The following MXRA5 variants were observed in gnomAD, a reference collection of about 807,000 sequenced individuals.
MXRA5 encodes the protein matrix-remodeling-associated protein 5.
A neutral mutation model predicts 112.5 loss-of-function variants in MXRA5; 41 were observed. The observed-to-expected ratio is 0.36, with a 90% CI of 0.28 to 0.47. The LOEUF (loss-of-function observed/expected upper bound fraction) is 0.47, where lower values mean the gene tolerates loss of function less well. Among genes scored for constraint, MXRA5 ranks in the 20% least tolerant of loss-of-function variants. MXRA5 has a pLI of 0.99. For missense variants in MXRA5, 2,150 were observed against 2,251.0 expected, an observed-to-expected ratio of 0.96 and a Z score of 0.91; for synonymous variants, 862 against 900.8, an observed-to-expected ratio of 0.96 and a Z score of 0.77.
chrX:3,317,031 C>A (rs1251482337), intron 6 of MXRA5, 72 bp downstream of exon 6: 34 of 1,025,154 alleles, frequency 3.3e-5, no homozygotes, highest in Non-Finnish European at 4.1e-5. Flanking sequence ...GCATATTCAT[C>A]CTGAAAAAGG....
chrX:3,314,323 C>T (rs1417000087), intron 6 of MXRA5, among the ~76,000 whole-genome samples: 1 of 111,971 alleles, frequency 8.9e-6, no homozygotes, highest in East Asian at 2.8e-4. Flanking sequence ...GGGTGTTGAG[C>T]AGTGTCCCCG....
Position 3,321,539 on chromosome X carries a change from G to C in MXRA5, c.4146C>G (p.Pro1382=), listed in dbSNP as rs767788718. The change falls in exon 5 of 7, where the codon CCC becomes CCG. Residue 1382 remains proline, a synonymous_variant. Transcript: ENST00000217939. The part of the protein sequence containing the change: ...VGFPGTPTWN[P]SRTAQPGRLQ... The stretch of plus-strand genomic sequence containing the variant: ...GCCTCCCAGGCTGGGCCGTCCTTGA[G>C]GGATTCCAGGTTGGAGTTCCTGGAA... 21 of 1,208,340 alleles carry C rather than the reference G, an allele frequency of 1.7e-5. No individual in the cohort carries two copies. In the South Asian group the frequency reaches 3.7e-4, roughly 21 times the overall value.
Position 3,323,118 on chromosome X carries a change from C to T in MXRA5, c.2567G>A (p.Gly856Asp), listed in dbSNP as rs1921357484. The T allele has an allele frequency of 2.5e-6, 3 of 1,211,342 alleles. No individual in the cohort carries two copies. The highest frequency in any genetic ancestry group is 5.9e-5 in the East Asian group (2 of 33,818). ...PLLGEEEHVL[G>D]TISSASMGLE... ...CCCCATGCTGGCTGAGGAAATGGTA[C>T]CCAAAACGTGCTCTTCTTCACCAAG... is the stretch of plus-strand genomic sequence containing the variant. Residue 856 changes from glycine (G) to aspartate (D), a missense_variant, in exon 5 of 7, where the codon GGT becomes GAT. By Grantham distance (94) the Gly-to-Asp change is moderately conservative. Transcript: ENST00000217939.
Position 3,323,820 on chromosome X carries a change from A to G in MXRA5, c.1865T>C (p.Leu622Ser), listed in dbSNP as rs759926006. ...ILPNRRIIND[L>S]ANTSHVYMLP... is the part of the protein sequence containing the mutation. ...CATGTATACATGTGATGTGTTAGCC[A>G]AATCATTAATTATCCTTCTGTTTGG... is the stretch of plus-strand genomic sequence containing the variant. The change falls in exon 5 of 7, where the codon TTG (leucine) becomes TCG (serine). Residue 622 changes from leucine to serine, a missense_variant. Leu to Ser is a moderately radical substitution (Grantham distance 145, BLOSUM62 -2). Coordinates refer to ENST00000217939, the MANE Select transcript of MXRA5 (RefSeq NM_015419.4). 5.8e-6 allele frequency: 7 copies of G among 1,210,040 alleles called. No homozygotes were observed. The Admixed American group carries it at 8.7e-5, about 15-fold the overall frequency.
At position 3,318,064 on chromosome X, in the gene MXRA5, C is replaced by T. The variant is rs149379141; in HGVS notation, c.5678-61G>A. 665 of 948,745 alleles carry T rather than the reference C, an allele frequency of 7.0e-4. 1 individual carries two copies. In the African/African-American group the frequency reaches 8.4e-3, roughly 12 times the overall value. 78.2% of individuals were successfully genotyped at this position (948,745 alleles called of 1,213,427 possible). On this transcript the variant is annotated intron_variant, in intron 5 of 6. Coordinates refer to ENST00000217939, the MANE Select transcript of MXRA5 (RefSeq NM_015419.4). ...CTGTGCCCTTTTGATAATGCTCAAACGAGCAGTATTAGTTAATCTAATTCT... is the reference window on the plus strand; with the variant it reads ...CTGTGCCCTTTTGATAATGCTCAAATGAGCAGTATTAGTTAATCTAATTCT...
At chrX:3,325,914 CAT>C (rs1921464304) in intron 4 of MXRA5, among the ~76,000 whole-genome samples, 1 of 14,532 alleles carries the variant, frequency 6.9e-5, no homozygotes, top group Non-Finnish European at 1.4e-4. Flanking sequence ...AATTTTAAAT[CAT>C]AAATTTATAA....
chrX:3,320,314 GCAA>G lies in MXRA5; in HGVS notation c.5368_5370del (p.Leu1790del). On this transcript the variant is annotated inframe_deletion, in exon 5 of 7. Coordinates refer to ENST00000217939, the MANE Select transcript of MXRA5 (RefSeq NM_015419.4). The stretch of plus-strand genomic sequence containing the variant: ...GGTGATCCCGTGGTCTGCGGAGTGT[GCAA>G]CAACGGAGGTGCCGGAGGGCCAAAG... 1.7e-6 allele frequency: 2 copies of G among 1,211,891 alleles called. No homozygotes were observed. Among genetic ancestry groups the G allele is most frequent in the Non-Finnish European group, 2.2e-6 (2 of 895,454 alleles).
chrX:3,319,875 C>T (rs1203297881), intron 5 of MXRA5, 133 bp downstream of exon 5: 6 of 459,741 alleles, frequency 1.3e-5, no homozygotes. Context: ...AAAAAATTTC[C>T]CCAAATGTGT....
chrX:3,309,637 C>T lies in MXRA5; in HGVS notation c.*79G>A. The T allele has an allele frequency of 2.3e-6, 2 of 869,432 alleles. No homozygotes were observed. Among genetic ancestry groups the T allele is most frequent in the East Asian group, 3.3e-5 (1 of 29,977 alleles). The allele number at this position is 869,432 out of a possible 1,213,427, so 71.7% of individuals were successfully genotyped here. A position where few individuals can be genotyped will look rare whatever the true frequency, so the allele number is the denominator to read the frequency against. On this transcript the variant is annotated 3_prime_UTR_variant, in exon 7 of 7. Transcript: ENST00000217939. ...TGCACTGTGACACATTATTTAAGAGCTCCTATTCCCCAACCTGGCTTCCCT... is the reference window on the plus strand; with the variant it reads ...TGCACTGTGACACATTATTTAAGAGTTCCTATTCCCCAACCTGGCTTCCCT...
Position 3,329,390 on chromosome X carries a change from AGAAG to A in MXRA5, c.709+624_709+627del, listed in dbSNP as rs201106029. ...AAAGAAGGAGGGAAGGAAGGAGAGA[AGAAG>A]GAAGGAAGGAAGGAGAGAAAAGGAA... is the stretch of plus-strand genomic sequence containing the variant. On this transcript the variant is annotated intron_variant, in intron 4 of 6. Transcript: ENST00000217939. 6.8e-3 allele frequency among the ~76,000 whole-genome samples: 601 copies of A among 88,628 alleles called. 5 individuals are homozygous for A. Among genetic ancestry groups the A allele is most frequent in the African/African-American group, 0.022 (519 of 24,097 alleles). 77.0% of individuals were successfully genotyped at this position (88,628 alleles called of 115,157 possible). A position where few individuals can be genotyped will look rare whatever the true frequency, so the allele number is the denominator to read the frequency against.
In MXRA5 at chrX:3,320,226, G is replaced by C; in HGVS notation, c.5459C>G (p.Thr1820Arg). ...GCTTCCTGAGGACTGGACAGAAGAT[G>C]TTATAAAGGAGATAGAACTCTGGGT... ...SSTQSSISFI[T>R]SSVQSSGSFH... The change falls in exon 5 of 7, where the codon ACA (threonine) becomes AGA (arginine). Residue 1820 changes from threonine to arginine, a missense_variant. By Grantham distance (71) the Thr-to-Arg change is moderately conservative. Around this residue, in one of 6 missense-constraint regions of MXRA5, gnomAD observed 1,485 missense variants for 1,471.6 expected, o/e 1.01. Transcript: ENST00000217939. 8.3e-7 allele frequency: 1 copy of C among 1,211,181 alleles called. No individual in the cohort carries two copies. The highest frequency in any genetic ancestry group is 1.1e-6 in the Non-Finnish European group (1 of 895,161).
In MXRA5 at chrX:3,321,994, G is replaced by T. The variant is rs750352033; in HGVS notation, c.3691C>A (p.Arg1231=). The change falls in exon 5 of 7, where the codon CGG becomes AGG. Residue 1231 remains arginine (R), a synonymous_variant. Coordinates refer to ENST00000217939, the MANE Select transcript of MXRA5 (RefSeq NM_015419.4). ...TTTGGCCTCTTCCCGTGTTTTCTCC[G>T]TGGTGTTCCCTTGGATGTGGGTTCT... ...NAEPTSKGTP[R]RKHGKRPNKH... is the part of the protein sequence containing the mutation. The T allele has an allele frequency of 8.3e-7, 1 of 1,211,600 alleles. No homozygotes were observed. The highest frequency in any genetic ancestry group is 1.7e-5 in the African/African-American group (1 of 57,745).
chrX:3,313,073 T>A (rs1478779287), intron 6 of MXRA5, among the ~76,000 whole-genome samples: 1 of 111,748 alleles, frequency 8.9e-6, no homozygotes, highest in Non-Finnish European at 1.9e-5. Flanking sequence ...GCAAGGACAT[T>A]TAAATGTGCC....
Position 3,330,083 on chromosome X carries a change from T to C in MXRA5, c.644A>G (p.Gln215Arg), listed in dbSNP as rs1921627056. 2 of 1,211,047 alleles carry C rather than the reference T, an allele frequency of 1.7e-6. No homozygotes were observed. Among genetic ancestry groups the C allele is most frequent in the Non-Finnish European group, 2.2e-6 (2 of 895,249 alleles). The change falls in exon 4 of 7, where the codon CAG becomes CGG. Residue 215 changes from glutamine to arginine, a missense_variant. Around this residue, in one of 6 missense-constraint regions of MXRA5, gnomAD observed 386 missense variants for 411.0 expected, o/e 0.94. Coordinates refer to ENST00000217939, the MANE Select transcript of MXRA5 (RefSeq NM_015419.4). ...ACAATCGCAGGTCCACGGATTTCCC[T>C]GCAAGTAAAGATTCTCCAGAAGCGG... ...NMPLLENLYL[Q>R]GNPWTCDCEM...
chrX:3,317,745 G>T lies in MXRA5; in HGVS notation c.5936C>A (p.Ala1979Asp), dbSNP rs778435818. ...AGGGAAGATCCAGGAAATTTGGGGG[G>T]CTGGGGTCCCTTTGGCCAGACACTC... ...AMECLAKGTP[A>D]PQISWIFPDR... Residue 1979 changes from alanine (A) to aspartate (D), a missense_variant, in exon 6 of 7, where the codon GCC becomes GAC. Physicochemically the swap from Ala to Asp is moderately radical, Grantham distance 126. Coordinates refer to ENST00000217939, the MANE Select transcript of MXRA5 (RefSeq NM_015419.4). 1.5e-5 allele frequency: 18 copies of T among 1,206,335 alleles called. No homozygotes were observed. The highest frequency in any genetic ancestry group is 1.8e-5 in the Non-Finnish European group (16 of 892,967).
chrX:3,332,250 C>T (rs1331678192), intron 2 of MXRA5, among the ~76,000 whole-genome samples: 15 of 105,561 alleles, frequency 1.4e-4, no homozygotes, highest in Admixed American at 6.1e-4. Context: ...CATTCTTCTT[C>T]TTTTTTTTTT....
In MXRA5 at chrX:3,321,900, T is replaced by C. The variant is rs1336929118; in HGVS notation, c.3785A>G (p.Glu1262Gly). 8.3e-7 allele frequency: 1 copy of C among 1,209,203 alleles called. No individual in the cohort carries two copies. The highest frequency in any genetic ancestry group is 1.8e-5 in the African/African-American group (1 of 57,018). ...ASGSKPSPSP[E>G]NKHRNIVTPS... The stretch of plus-strand genomic sequence containing the variant: ...AGTAACAATGTTTCTATGTTTATTT[T>C]CTGGAGAAGGGCTGGGCTTGGATCC... Residue 1262 changes from glutamate (E) to glycine (G), a missense_variant, in exon 5 of 7, where the codon GAA becomes GGA. Around this residue, in one of 6 missense-constraint regions of MXRA5, gnomAD observed 1,485 missense variants for 1,471.6 expected, o/e 1.01. Transcript: ENST00000217939.
Position 3,321,237 on chromosome X carries a change from G to A in MXRA5, c.4448C>T (p.Pro1483Leu). Residue 1483 changes from proline to leucine, a missense_variant, in exon 5 of 7, where the codon CCT becomes CTT. Pro to Leu is a moderately conservative substitution (Grantham distance 98). Coordinates refer to ENST00000217939, the MANE Select transcript of MXRA5 (RefSeq NM_015419.4). ...TGGCTCCTTCATCCGGGCAGCAGTA[G>A]GGGTGTGATTCTGTGGTCTAGTTTC... is the stretch of plus-strand genomic sequence containing the variant. ...LSETRPQNHTPTAARMKEPAS... is the reference protein window; with the variant it reads ...LSETRPQNHTLTAARMKEPAS... The A allele has an allele frequency of 8.3e-7, 1 of 1,209,822 alleles. No homozygotes were observed. The highest frequency in any genetic ancestry group is 3.0e-5 in the East Asian group (1 of 33,750).
Position 3,322,557 on chromosome X carries a change from A to G in MXRA5, c.3128T>C (p.Leu1043Pro). ...TTGAGTGCTTAGACTACTTTTCACA[A>G]GGTGGATGTTGTCTGTCAGTCCTTG... ...HLQGLTDNIH[L>P]VKSSLSTQDT... The change falls in exon 5 of 7, where the codon CTT becomes CCT. Residue 1043 changes from leucine to proline, a missense_variant. By Grantham distance (98) the Leu-to-Pro change is moderately conservative. This residue lies in a region of MXRA5 where 1,485 missense variants were observed against 1,471.6 expected (regional missense o/e 1.01). Coordinates refer to ENST00000217939, the MANE Select transcript of MXRA5 (RefSeq NM_015419.4). 1 of 1,211,599 alleles carries G rather than the reference A, an allele frequency of 8.3e-7. No homozygotes were observed. The highest frequency in any genetic ancestry group is 1.1e-6 in the Non-Finnish European group (1 of 895,497).
Sources: allele counts gnomAD v4.1 joint callset (sites outside exome capture counted in the v4.1 genomes callset), GRCh38; gene constraint gnomAD v4.1.1; regional missense constraint gnomAD v4.1.1; transcripts MANE v1.5; gene names NCBI Gene and HGNC (gene_info 2026-07-23, HGNC 2026-07-21).